Variants in BRCA1 observed in about 807,000 individuals in gnomAD.
BRCA1 encodes the protein breast cancer type 1 susceptibility protein.
In BRCA1, 140 loss-of-function variants were observed where a neutral mutation model predicts 173.7. The ratio of observed to expected loss-of-function variants is 0.81; its 90% CI spans 0.70 to 0.93. The LOEUF (loss-of-function observed/expected upper bound fraction) is 0.93, where lower values mean the gene tolerates loss of function less well. Ranked by LOEUF, BRCA1 falls within the 40% of genes least tolerant of loss-of-function variation. BRCA1 has a pLI of 0.00. For synonymous variants in BRCA1, 662 were observed against 756.0 expected, an observed-to-expected ratio of 0.88 and a Z score of 2.04; for missense variants, 1,983 against 2,172.5, an observed-to-expected ratio of 0.91 and a Z score of 1.73.
intron 7 of BRCA1, 60 bp downstream of exon 7, chr17:43,099,715 A>G: frequency 6.9e-7 from 1 of 1,455,138 alleles, no homozygotes; most frequent in Non-Finnish European, 9.6e-7. Flanking sequence ...TTTTGGCAAA[A>G]CTATAAGATA....
chr17:43,084,467 C>T (rs2053152699), intron 11 of BRCA1, among the ~76,000 whole-genome samples: 1 of 152,110 alleles, frequency 6.6e-6, no homozygotes, highest in Non-Finnish European at 1.5e-5. Context: ...TGCCTGGCTT[C>T]AAAATATACA....
chr17:43,148,843 T>C (rs2056140912), intron 1 of BRCA1: 1 of 168,172 alleles, frequency 5.9e-6, no homozygotes, highest in Admixed American at 6.5e-5. Context: ...TCTCCAAATC[T>C]GTATTCATTC....
chr17:43,156,674 A>G (rs2056199275), intron 1 of BRCA1, among the ~76,000 whole-genome samples: 1 of 152,216 alleles, frequency 6.6e-6, no homozygotes, highest in Non-Finnish European at 1.5e-5. Flanking sequence ...TTTCAAAGAA[A>G]TTCTCCGTAA....
At chr17:43,058,845 T>C (rs534592646) in intron 18 of BRCA1, among the ~76,000 whole-genome samples, 1 of 152,224 alleles carries the variant, frequency 6.6e-6, no homozygotes, top group African/African-American at 2.4e-5. Context: ...TGACTGGTCA[T>C]GGACATGAGA....
At chr17:43,156,833 A>G (rs922780759) in intron 1 of BRCA1, among the ~76,000 whole-genome samples, 13 of 152,254 alleles carry the variant, frequency 8.5e-5, no homozygotes, top group Admixed American at 3.3e-4. Flanking sequence ...GAAAACTCCA[A>G]TATGTAAAAA....
At chr17:43,060,695 TG>T (rs1452458216) in intron 18 of BRCA1, among the ~76,000 whole-genome samples, 2 of 151,592 alleles carry the variant, frequency 1.3e-5, no homozygotes, top group African/African-American at 4.8e-5. Context: ...TTAGTAGAGA[TG>T]GGGTTTCACC....
At chr17:43,168,177 G>A in intron 1 of BRCA1, 2 of 399,204 alleles carry the variant, frequency 5.0e-6, no homozygotes, top group South Asian at 1.9e-5. Context: ...TACCAGATTG[G>A]ACACTGTAAG....
Position 43,044,982 on chromosome 17 carries a change from T to C in BRCA1, c.*696A>G. The C allele has an allele frequency of 2.1e-6, 1 of 486,724 alleles. No homozygotes were observed. The highest frequency in any genetic ancestry group is 1.6e-5 in the South Asian group (1 of 64,062). 30.2% of individuals were successfully genotyped at this position (486,724 alleles called of 1,614,324 possible). On this transcript the variant is annotated 3_prime_UTR_variant, in exon 23 of 23. Transcript: ENST00000357654. ...CCATGACCGGCTAATTTCTGTATTT[T>C]TAGTAGAGATGGGGTTTCACCATGT...
intron 1 of BRCA1, among the ~76,000 whole-genome samples, chr17:43,147,259 G>A (rs900620744): frequency 4.6e-5 from 7 of 152,060 alleles, no homozygotes; most frequent in Admixed American, 3.3e-4. Flanking sequence ...GCACGATCTC[G>A]GCTCACGGCA....
rs2153887534 is a variant in BRCA1 at position 43,071,192 on chromosome 17, G to A, written c.4722C>T (p.Asp1574=). ...TGTCTTCAGAAGGATCAGATTCAGG[G>A]TCATCAGAGAAGAGGCTGATTCCAG... ...LESGISLFSD[D]PESDPSEDRA... The change falls in exon 15 of 23, where the codon GAC becomes GAT. Residue 1574 remains aspartate (D), a synonymous_variant. Transcript: ENST00000357654. 1 of 1,614,172 alleles carries A rather than the reference G, an allele frequency of 6.2e-7. No individual in the cohort carries two copies.
intron 1 of BRCA1, among the ~76,000 whole-genome samples, chr17:43,154,607 C>T (rs1293789402): frequency 1.3e-5 from 2 of 152,062 alleles, no homozygotes; most frequent in Non-Finnish European, 2.9e-5. Flanking sequence ...GTTCCCATCC[C>T]TACCTGTCTA....
upstream of BRCA1, among the ~76,000 whole-genome samples, chr17:43,128,921 G>T (rs976252790): frequency 2.6e-5 from 4 of 151,342 alleles, no homozygotes; most frequent in African/African-American, 7.3e-5. Flanking sequence ...GCCTCCCAAA[G>T]TGCTGGGATT....
intron 16 of BRCA1, among the ~76,000 whole-genome samples, chr17:43,065,423 C>G (rs1231124925): frequency 6.6e-6 from 1 of 152,108 alleles, no homozygotes; most frequent in Non-Finnish European, 1.5e-5. Context: ...AATCCCAGCA[C>G]TTTGGGAGGC....
At position 43,094,209 on chromosome 17, in the gene BRCA1, A is replaced by G. The variant is rs1163497041; in HGVS notation, c.1322T>C (p.Ile441Thr). Residue 441 changes from isoleucine to threonine, a missense_variant, in exon 10 of 23, where the codon ATA becomes ACA. Coordinates refer to ENST00000357654, the MANE Select transcript of BRCA1 (RefSeq NM_007294.4). The part of the protein sequence containing the change: ...LLASDPHEAL[I>T]CKSERVHSKS... Reference sequence around the variant, plus strand: ...GGAGTGAACTCTTTCACTTTTACATATTAAAGCCTCATGAGGATCACTGGC... The same window carrying G: ...GGAGTGAACTCTTTCACTTTTACATGTTAAAGCCTCATGAGGATCACTGGC... 6.2e-7 allele frequency: 1 copy of G among 1,614,072 alleles called. No homozygotes were observed. The highest frequency in any genetic ancestry group is 2.2e-5 in the East Asian group (1 of 44,868).
chr17:43,094,931 C>A (rs2054071934), intron 9 of BRCA1, 71 bp from the exon 10 acceptor site: 2 of 1,418,514 alleles, frequency 1.4e-6, no homozygotes, highest in African/African-American at 2.9e-5. Flanking sequence ...ACTTCATACA[C>A]CTTGGAGGTG....
intron 3 of BRCA1, chr17:43,110,586 T>C: frequency 5.7e-6 from 2 of 353,282 alleles, no homozygotes; most frequent in Non-Finnish European, 1.1e-5. Context: ...AGACCCTGTC[T>C]CAAAAAAAAA....
At chr17:43,141,823 T>C (rs2056077753) in intron 1 of BRCA1, among the ~76,000 whole-genome samples, 1 of 151,682 alleles carries the variant, frequency 6.6e-6, no homozygotes, top group African/African-American at 2.4e-5. Flanking sequence ...AGCATAAAAA[T>C]GTGAAATTAT....
At chr17:43,118,380 TTTC>T (rs1319336847) in intron 2 of BRCA1, among the ~76,000 whole-genome samples, 3 of 152,082 alleles carry the variant, frequency 2.0e-5, no homozygotes, top group Non-Finnish European at 4.4e-5. Flanking sequence ...TCTTTTTAAT[TTTC>T]TTTTTTTTTT....
chr17:43,087,159 A>G (rs1169649625), intron 11 of BRCA1, among the ~76,000 whole-genome samples: 1 of 152,226 alleles, frequency 6.6e-6, no homozygotes, highest in African/African-American at 2.4e-5. Context: ...TCAAACACCA[A>G]AATCCTAGTC....
Sources: gnomAD v4.1 joint callset for allele counts (sites outside exome capture counted in the v4.1 genomes callset) on GRCh38, gnomAD v4.1.1 for gene constraint, MANE v1.5 for transcripts, NCBI Gene and HGNC (gene_info 2026-07-23, HGNC 2026-07-21) for gene names.